PCDH15: variants seen among roughly 807,000 people sequenced by gnomAD.
PCDH15 encodes protocadherin-15.
Under a neutral mutation model 178.5 loss-of-function variants are expected in PCDH15, and 129 were observed. The observed-to-expected ratio is 0.72, with a 90% confidence interval of 0.63 to 0.84. PCDH15 has a LOEUF of 0.84. Among genes scored for constraint, PCDH15 ranks in the 40% least tolerant of loss-of-function variants. The pLI is 0.00. For synonymous variants in PCDH15, 800 were observed against 732.0 expected (o/e 1.09, Z -1.50); for missense variants, 2,230 against 2,099.9 (o/e 1.06, Z -1.21).
At chr10:55,337,568 A>T (rs12146403) in intron 2 of PCDH15, among the ~76,000 whole-genome samples, 1 of 151,982 alleles carries the variant, frequency 6.6e-6, no homozygotes, top group South Asian at 2.1e-4. Context: ...GCAAGGGATT[A>T]GTTTATAAAT....
intron 1 of PCDH15, among the ~76,000 whole-genome samples, chr10:55,288,606 T>A (rs1373380132): frequency 6.6e-6 from 1 of 152,024 alleles, no homozygotes; most frequent in African/African-American, 2.4e-5. Context: ...AATAGATAAC[T>A]CACATAAGTG....
chr10:55,067,958 T>C (rs1309040108), intron 2 of PCDH15, among the ~76,000 whole-genome samples: 1 of 152,062 alleles, frequency 6.6e-6, no homozygotes, highest in Non-Finnish European at 1.5e-5. Context: ...ACTGTTGACT[T>C]GTTTGAATTT....
chr10:54,401,885 A>G (rs1446199162), intron 3 of PCDH15, among the ~76,000 whole-genome samples: 1 of 151,908 alleles, frequency 6.6e-6, no homozygotes, highest in Non-Finnish European at 1.5e-5. Flanking sequence ...AACACATACT[A>G]TTTTGGTTTT....
In PCDH15 at chr10:53,811,591, G is replaced by T. The variant is rs2132393815; in HGVS notation, c.4520C>A (p.Pro1507His). 6.4e-7 allele frequency: 1 copy of T among 1,570,056 alleles called. No individual in the cohort carries two copies. The highest frequency in any genetic ancestry group is 8.6e-7 in the Non-Finnish European group (1 of 1,158,038). The change falls in exon 36 of 38, where the codon CCT (proline) becomes CAT (histidine). Residue 1507 changes from proline to histidine, a missense_variant. Physicochemically the swap from Pro to His is moderately conservative, Grantham distance 77. Transcript: ENST00000644397. ...ATAATCTTGTCCATATTCCTGGCCA[G>T]GATCAATTCCAGACTCCATGGATAA... The part of the protein sequence containing the change: ...EELSMESGID[P>H]GQEYGQDYYS...
chr10:55,278,004 T>C (rs1842638692), intron 1 of PCDH15, among the ~76,000 whole-genome samples: 1 of 152,204 alleles, frequency 6.6e-6, no homozygotes, highest in Admixed American at 6.5e-5. Flanking sequence ...CAGAATATAA[T>C]TTTTGAGCAT....
intron 1 of PCDH15, among the ~76,000 whole-genome samples, chr10:54,733,910 C>G (rs9804313): frequency 0.58 from 87,762 of 150,704 alleles, 26,545 homozygotes; most frequent in Middle Eastern, 0.78. Context: ...AATGGACCTT[C>G]ACCTGTACTT....
intron 1 of PCDH15, among the ~76,000 whole-genome samples, chr10:54,796,815 A>C (rs982616057): frequency 3.3e-5 from 5 of 152,024 alleles, no homozygotes; most frequent in Admixed American, 3.3e-4. Context: ...GTAAGATTCT[A>C]AAGTAATAAA....
chr10:53,823,519 T>C, intron 32 of PCDH15: 1 of 802,356 alleles, frequency 1.2e-6, no homozygotes, highest in Non-Finnish European at 2.2e-6. Context: ...AATTCCCTGC[T>C]CTTAGAAAGG....
chr10:54,510,753 G>A (rs937836758), intron 3 of PCDH15, among the ~76,000 whole-genome samples: 5 of 152,250 alleles, frequency 3.3e-5, no homozygotes, highest in South Asian at 2.1e-4. Context: ...TAAGAATTGC[G>A]ATAATTATGA....
chr10:54,809,678 A>T (rs1464323578), intron 3 of PCDH15, among the ~76,000 whole-genome samples: 4 of 152,096 alleles, frequency 2.6e-5, no homozygotes, highest in African/African-American at 9.7e-5. Context: ...TGCCAGGCAA[A>T]GCTGTAGGGA....
At chr10:54,861,699 C>T (rs889702059) in intron 3 of PCDH15, among the ~76,000 whole-genome samples, 1 of 152,162 alleles carries the variant, frequency 6.6e-6, no homozygotes, top group Non-Finnish European at 1.5e-5. Context: ...CAAGCCAGAG[C>T]ATTCAGGCAA....
chr10:54,066,881 G>A lies in PCDH15; in HGVS notation c.2096C>T (p.Ser699Leu). ...CACCACTATGTTTACTGTGGCAGTTGAGGTCTTAAAGAAAAACACAAGCAT... is the reference window on the plus strand; with the variant it reads ...CACCACTATGTTTACTGTGGCAGTTAAGGTCTTAAAGAAAAACACAAGCAT... ...TASDGRPDGTSTATVNIVVTD... is the reference protein window; with the variant it reads ...TASDGRPDGTLTATVNIVVTD... The change falls in exon 18 of 38, where the codon TCA becomes TTA. Residue 699 changes from serine to leucine, a missense_variant. By Grantham distance (145) the Ser-to-Leu change is moderately radical. Coordinates refer to ENST00000644397, the MANE Select transcript of PCDH15 (RefSeq NM_001384140.1). 1 of 1,613,032 alleles carries A rather than the reference G, an allele frequency of 6.2e-7. No homozygotes were observed. The highest frequency in any genetic ancestry group is 8.5e-7 in the Non-Finnish European group (1 of 1,179,326).
At chr10:54,140,600 G>T (rs1320774452) in intron 14 of PCDH15, among the ~76,000 whole-genome samples, 1 of 151,914 alleles carries the variant, frequency 6.6e-6, no homozygotes, top group Non-Finnish European at 1.5e-5. Context: ...TCAGTCCTCA[G>T]CTGGGACTAC....
In PCDH15 at chr10:54,478,974, T is replaced by A. The variant is rs1393254611; in HGVS notation, c.157+48838A>T. The stretch of plus-strand genomic sequence containing the variant: ...ATCTAGCCTCACAAAATTAGCACAA[T>A]ATGCTCTACCTGAGGATAAGCTAGG... On this transcript the variant is annotated intron_variant, in intron 3 of 37. Transcript: ENST00000644397. Among the ~76,000 whole-genome samples, 10 of 143,280 alleles carry A rather than the reference T, an allele frequency of 7.0e-5. No homozygotes were observed. In the Admixed American group the frequency reaches 7.1e-4, roughly 10 times the overall value. 94.0% of individuals were successfully genotyped at this position (143,280 alleles called of 152,430 possible).
chr10:54,858,592 T>C (rs994698966), intron 3 of PCDH15, among the ~76,000 whole-genome samples: 4 of 152,068 alleles, frequency 2.6e-5, no homozygotes, highest in Non-Finnish European at 5.9e-5. Flanking sequence ...TGCTTCTTTG[T>C]TAGTCAGAAT....
chr10:54,983,754 A>C (rs1839298297), intron 2 of PCDH15, among the ~76,000 whole-genome samples: 1 of 152,156 alleles, frequency 6.6e-6, no homozygotes, highest in Non-Finnish European at 1.5e-5. Flanking sequence ...AGATAGAAAG[A>C]AGCTATTTCT....
At chr10:53,914,324 T>C (rs1449520641) in intron 25 of PCDH15, among the ~76,000 whole-genome samples, 1 of 152,228 alleles carries the variant, frequency 6.6e-6, no homozygotes, top group Non-Finnish European at 1.5e-5. Flanking sequence ...CGTATGTTTA[T>C]TGTGGCACTA....
intron 3 of PCDH15, among the ~76,000 whole-genome samples, chr10:54,846,366 G>A (rs1379250758): frequency 3.3e-5 from 5 of 151,966 alleles, no homozygotes; most frequent in Non-Finnish European, 2.9e-5. Flanking sequence ...GGTCCCTCGG[G>A]GTTTGTTAAA....
At chr10:54,520,418 C>T (rs1292952937) in intron 3 of PCDH15, among the ~76,000 whole-genome samples, 13 of 152,190 alleles carry the variant, frequency 8.5e-5, no homozygotes, top group South Asian at 4.1e-4. Flanking sequence ...TAAACAGACA[C>T]TTCTCAAAAG....
Sources: gnomAD v4.1 joint callset for allele counts (sites outside exome capture counted in the v4.1 genomes callset) on GRCh38, gnomAD v4.1.1 for gene constraint, MANE v1.5 for transcripts, NCBI Gene and HGNC (gene_info 2026-07-23, HGNC 2026-07-21) for gene names.